The following SCNN1B variants were observed in gnomAD, a reference collection of about 807,000 sequenced individuals.
SCNN1B encodes epithelial sodium channel subunit beta.
In SCNN1B, 46 loss-of-function variants were observed where a neutral mutation model predicts 65.3. The ratio of observed to expected loss-of-function variants is 0.70; its 90% CI spans 0.56 to 0.90. The LOEUF is 0.90. SCNN1B is among the 40% of genes least tolerant of loss of function. SCNN1B has a pLI of 0.00. For synonymous variants in SCNN1B, 349 were observed against 330.6 expected, an observed-to-expected ratio of 1.06 and a Z score of -0.60; for missense variants, 751 against 830.5, an observed-to-expected ratio of 0.90 and a Z score of 1.18.
At chr16:23,320,644 G>A (rs983739819) in intron 1 of SCNN1B, among the ~76,000 whole-genome samples, 2 of 152,210 alleles carry the variant, frequency 1.3e-5, no homozygotes, top group African/African-American at 4.8e-5. Flanking sequence ...CCCATTCCAG[G>A]GGGTTCTGAT....
chr16:23,339,863 G>C (rs537947664), intron 1 of SCNN1B, among the ~76,000 whole-genome samples: 25 of 152,058 alleles, frequency 1.6e-4, no homozygotes, highest in Non-Finnish European at 3.1e-4. Flanking sequence ...CACCGCGCCT[G>C]GCAACTTTAC....
At chr16:23,346,409 A>T (rs948026960) in intron 1 of SCNN1B, among the ~76,000 whole-genome samples, 1 of 150,940 alleles carries the variant, frequency 6.6e-6, no homozygotes, top group Non-Finnish European at 1.5e-5. Context: ...TTTAGTAGAG[A>T]CAGGGTTTCA....
At chr16:23,322,078 A>C (rs1319439537) in intron 1 of SCNN1B, among the ~76,000 whole-genome samples, 1 of 152,148 alleles carries the variant, frequency 6.6e-6, no homozygotes, top group African/African-American at 2.4e-5. Context: ...AACTGCCCCG[A>C]CACAAACTCT....
At chr16:23,311,986 G>T (rs1045338287) in intron 1 of SCNN1B, among the ~76,000 whole-genome samples, 2 of 152,148 alleles carry the variant, frequency 1.3e-5, no homozygotes, top group Non-Finnish European at 2.9e-5. Context: ...TGCGGTGGGG[G>T]AGCAGAGGCT....
At chr16:23,298,731 T>C (rs551333930), upstream of SCNN1B, among the ~76,000 whole-genome samples, 13 of 152,326 alleles carry the variant, frequency 8.5e-5, no homozygotes, top group Admixed American at 2.6e-4. Context: ...ACAAGTTGGT[T>C]TTCTCCTCAG....
chr16:23,340,108 G>T (rs1433671749), intron 1 of SCNN1B, among the ~76,000 whole-genome samples: 1 of 151,952 alleles, frequency 6.6e-6, no homozygotes, highest in Non-Finnish European at 1.5e-5. Context: ...CCTCTTTTAT[G>T]GTGTCTATTC....
At chr16:23,317,627 T>G (rs1207840957) in intron 1 of SCNN1B, among the ~76,000 whole-genome samples, 1 of 152,192 alleles carries the variant, frequency 6.6e-6, no homozygotes, top group Non-Finnish European at 1.5e-5. Context: ...GGAAAACTCC[T>G]TCCTGCTCCT....
At position 23,292,411 on chromosome 16, in the gene SCNN1B, A is replaced by G. The variant is rs191880168; in HGVS notation, n.178+8607A>G. 1.2e-3 allele frequency among the ~76,000 whole-genome samples: 184 copies of G among 151,614 alleles called. 1 individual carries two copies. Among genetic ancestry groups the G allele is most frequent in the Non-Finnish European group, 1.6e-3 (112 of 67,906 alleles). The stretch of plus-strand genomic sequence containing the variant: ...ACGGGGTTTCACTGTGTTAGTCAGG[A>G]TGGTCTCGATCTCCTGACCTCGTGA... On this transcript the variant is annotated intron_variant and non_coding_transcript_variant, in intron 2 of 3. Transcript: ENST00000569789.
chr16:23,332,152 C>T (rs1054135167), intron 1 of SCNN1B, among the ~76,000 whole-genome samples: 7 of 152,068 alleles, frequency 4.6e-5, no homozygotes, highest in African/African-American at 1.7e-4. Flanking sequence ...CTTCAGCCTC[C>T]CAAGCAGCTG....
At chr16:23,342,833 G>T (rs1468125177) in intron 1 of SCNN1B, among the ~76,000 whole-genome samples, 1 of 152,244 alleles carries the variant, frequency 6.6e-6, no homozygotes, top group Middle Eastern at 3.4e-3. Flanking sequence ...ATAGATAAGT[G>T]GTTTCTGATG....
At chr16:23,305,626 A>G (rs374863697) in intron 1 of SCNN1B, among the ~76,000 whole-genome samples, 2 of 138,238 alleles carry the variant, frequency 1.4e-5, no homozygotes, top group Admixed American at 7.7e-5. Context: ...ATGTACCTAC[A>G]GTCCCAGCTA....
intron 2 of SCNN1B, among the ~76,000 whole-genome samples, chr16:23,296,132 A>G (rs11641344): frequency 0.13 from 19,200 of 151,944 alleles, 2,985 homozygotes; most frequent in African/African-American, 0.37. Flanking sequence ...GAGAAGTCAG[A>G]CTGAGGTGAC....
At chr16:23,326,021 G>C (rs1961689325) in intron 1 of SCNN1B, among the ~76,000 whole-genome samples, 1 of 151,942 alleles carries the variant, frequency 6.6e-6, no homozygotes, top group South Asian at 2.1e-4. Context: ...GCTGCAGTGA[G>C]CTATGATTGC....
intron 1 of SCNN1B, among the ~76,000 whole-genome samples, chr16:23,309,989 C>T (rs753723024): frequency 3.9e-5 from 6 of 152,072 alleles, no homozygotes; most frequent in African/African-American, 1.2e-4. Flanking sequence ...TAAGGAGGCC[C>T]CAGGTCAAGC....
At chr16:23,305,264 G>A (rs1398622268) in intron 1 of SCNN1B, among the ~76,000 whole-genome samples, 2 of 151,822 alleles carry the variant, frequency 1.3e-5, no homozygotes, top group African/African-American at 4.8e-5. Context: ...TCACAAAGAA[G>A]GCCTGTGGAC....
chr16:23,320,709 C>T (rs74012881), intron 1 of SCNN1B, among the ~76,000 whole-genome samples: 5,408 of 152,322 alleles, frequency 0.036, 309 homozygotes, highest in African/African-American at 0.12. Flanking sequence ...TAGACACCAC[C>T]GTGGGCCTCT....
intron 5 of SCNN1B, among the ~76,000 whole-genome samples, chr16:23,370,881 G>T (rs779687208): frequency 2.0e-5 from 3 of 152,228 alleles, no homozygotes; most frequent in Non-Finnish European, 4.4e-5. Flanking sequence ...ACTCCAGAGT[G>T]AGGAACAGCA....
chr16:23,279,675 C>T (rs181038267), intron 1 of SCNN1B, among the ~76,000 whole-genome samples: 17 of 152,264 alleles, frequency 1.1e-4, no homozygotes, highest in Non-Finnish European at 1.8e-4. Context: ...CAAATTACTT[C>T]GTTACAGAAA....
intron 1 of SCNN1B, among the ~76,000 whole-genome samples, chr16:23,347,086 G>A (rs1962205947): frequency 6.6e-6 from 1 of 152,076 alleles, no homozygotes; most frequent in African/African-American, 2.4e-5. Flanking sequence ...GATAGAGTGA[G>A]ACCCTGTCTC....
Sources: gnomAD v4.1 joint callset for allele counts (sites outside exome capture counted in the v4.1 genomes callset) on GRCh38, gnomAD v4.1.1 for gene constraint, MANE v1.5 for transcripts, NCBI Gene and HGNC (gene_info 2026-07-23, HGNC 2026-07-21) for gene names.